The following GRIK2 variants were observed in gnomAD, a reference collection of about 807,000 sequenced individuals.
GRIK2 encodes glutamate receptor ionotropic, kainate 2.
Under a neutral mutation model 100.3 loss-of-function variants are expected in GRIK2, and 32 were observed. The ratio of observed to expected loss-of-function variants is 0.32; its 90% CI spans 0.24 to 0.43. The LOEUF (loss-of-function observed/expected upper bound fraction) is 0.43, where lower values mean the gene tolerates loss of function less well. Ranked by LOEUF, GRIK2 falls within the 20% of genes least tolerant of loss-of-function variation. GRIK2 has a pLI of 1.00. For synonymous variants in GRIK2, 417 were observed against 389.4 expected, an observed-to-expected ratio of 1.07 and a Z score of -0.83; for missense variants, 843 against 1,114.9, an observed-to-expected ratio of 0.76 and a Z score of 3.47.
In GRIK2 at chr6:101,795,673, A is replaced by G. The variant is rs564796335; in HGVS notation, c.952-3975A>G. 5.3e-5 allele frequency among the ~76,000 whole-genome samples: 8 copies of G among 152,348 alleles called. No individual in the cohort carries two copies. In the South Asian group the frequency reaches 1.0e-3, roughly 20 times the overall value. ...CATACTGGTGTTTGCAGTGCCTGCA[A>G]CAGGCTGGATGGACCAGCCCTCAGG... On this transcript the variant is annotated intron_variant, in intron 7 of 16. Coordinates refer to ENST00000369134, the MANE Select transcript of GRIK2 (RefSeq NM_021956.5).
chr6:101,581,189 C>T (rs993263859), intron 2 of GRIK2, among the ~76,000 whole-genome samples: 2 of 150,684 alleles, frequency 1.3e-5, no homozygotes, highest in African/African-American at 2.5e-5. Flanking sequence ...TATACACACA[C>T]ACACATATAT....
intron 14 of GRIK2, among the ~76,000 whole-genome samples, chr6:101,973,291 G>A (rs920126156): frequency 2.6e-5 from 4 of 151,828 alleles, no homozygotes; most frequent in Admixed American, 6.6e-5. Context: ...AGCACTTGAA[G>A]TAATGTTTCT....
intron 2 of GRIK2, among the ~76,000 whole-genome samples, chr6:101,402,427 C>T (rs899923000): frequency 6.6e-5 from 10 of 152,192 alleles, no homozygotes; most frequent in African/African-American, 2.4e-4. Flanking sequence ...CCTCAGCCGA[C>T]TCCCACTTGG....
At position 101,693,644 on chromosome 6, in the gene GRIK2, C is replaced by G. The variant is rs569613648; in HGVS notation, c.951+7291C>G. On this transcript the variant is annotated intron_variant, in intron 7 of 16. Coordinates refer to ENST00000369134, the MANE Select transcript of GRIK2 (RefSeq NM_021956.5). ...AGAAAGATATCTTTTTAGAAAAGTG[C>G]CAATACAAAGGAAAAGTGATTTAGG... 2.0e-5 allele frequency among the ~76,000 whole-genome samples: 3 copies of G among 151,682 alleles called. No homozygotes were observed. In the East Asian group the frequency reaches 5.8e-4, roughly 29 times the overall value.
At chr6:101,921,096 C>A (rs188287329) in intron 12 of GRIK2, among the ~76,000 whole-genome samples, 1 of 151,894 alleles carries the variant, frequency 6.6e-6, no homozygotes. Context: ...AGAAGTTTAC[C>A]GACATAATTT....
chr6:102,010,905 G>T (rs1023834159), intron 14 of GRIK2, among the ~76,000 whole-genome samples: 5 of 151,868 alleles, frequency 3.3e-5, no homozygotes, highest in Non-Finnish European at 5.9e-5. Flanking sequence ...CATTGAGTTG[G>T]TGTACCTCAG....
chr6:101,598,592 T>TA (rs75603851), intron 2 of GRIK2, among the ~76,000 whole-genome samples: 2,619 of 82,326 alleles, frequency 0.032, 35 homozygotes, highest in African/African-American at 0.07. Context: ...TCTTCCTTAA[T>TA]AAAAAAAAAA....
chr6:101,628,728 T>C (rs1780572456), intron 4 of GRIK2, among the ~76,000 whole-genome samples: 1 of 152,130 alleles, frequency 6.6e-6, no homozygotes, highest in African/African-American at 2.4e-5. Context: ...GTAATTCATG[T>C]ATAGGTTGTC....
At chr6:101,840,645 G>T (rs1466895709) in intron 10 of GRIK2, among the ~76,000 whole-genome samples, 1 of 151,954 alleles carries the variant, frequency 6.6e-6, no homozygotes, top group Non-Finnish European at 1.5e-5. Context: ...TATTTTATTA[G>T]GCATATTTCT....
chr6:101,818,468 T>A lies in GRIK2; in HGVS notation c.1302T>A (p.Ile434=), dbSNP rs1426882297. 6.3e-7 allele frequency: 1 copy of A among 1,584,876 alleles called. No homozygotes were observed. Among genetic ancestry groups the A allele is most frequent in the Non-Finnish European group, 8.7e-7 (1 of 1,153,370 alleles). The stretch of plus-strand genomic sequence containing the variant: ...ATTCCTTATCCAATCGTTCTTTGAT[T>A]GTTACCACCATTTTGGTAAGTATTT... ...ITDSLSNRSL[I]VTTILEEPYV... Residue 434 remains isoleucine (I), a synonymous_variant, in exon 10 of 17, where the codon ATT becomes ATA. Coordinates refer to ENST00000369134, the MANE Select transcript of GRIK2 (RefSeq NM_021956.5).
chr6:101,896,416 G>A (rs147767616), intron 12 of GRIK2, among the ~76,000 whole-genome samples: 2 of 151,638 alleles, frequency 1.3e-5, no homozygotes, highest in Non-Finnish European at 3.0e-5. Flanking sequence ...TAAGACAAAG[G>A]CAATTTAAAA....
intron 2 of GRIK2, among the ~76,000 whole-genome samples, chr6:101,586,912 A>AAAG (rs1562244073): frequency 6.7e-6 from 1 of 149,248 alleles, no homozygotes; most frequent in Non-Finnish European, 1.5e-5. Context: ...AAAAAAAAAA[A>AAAG]AGAGAGATAT....
chr6:101,802,234 C>A, intron 8 of GRIK2, 97 bp from the exon 9 acceptor site: 1 of 440,324 alleles, frequency 2.3e-6, no homozygotes, highest in Non-Finnish European at 4.1e-6. Flanking sequence ...GCAATGTAAA[C>A]TGAAAAGTAA....
intron 2 of GRIK2, among the ~76,000 whole-genome samples, chr6:101,589,776 G>T: frequency 6.6e-6 from 1 of 151,986 alleles, no homozygotes; most frequent in East Asian, 1.9e-4. Flanking sequence ...TAATGATTGG[G>T]ACATCAAAAT....
rs150872187 is a variant in GRIK2 at position 101,469,875 on chromosome 6, C to T, written c.115+70483C>T. Reference sequence around the variant, plus strand: ...CTAAATAGTCCTCTTTCTTTCTCTTCAAGACTTGGGTCCTCTCTGTTGTGG... The same window carrying T: ...CTAAATAGTCCTCTTTCTTTCTCTTTAAGACTTGGGTCCTCTCTGTTGTGG... On this transcript the variant is annotated intron_variant, in intron 2 of 16. Transcript: ENST00000369134. Among the ~76,000 whole-genome samples, 190 of 152,282 alleles carry T rather than the reference C, an allele frequency of 1.2e-3. 2 individuals carry two copies. Among genetic ancestry groups the T allele is most frequent in the African/African-American group, 4.5e-3 (185 of 41,556 alleles).
chr6:101,440,892 T>C (rs1043971446), intron 2 of GRIK2, among the ~76,000 whole-genome samples: 1 of 65,668 alleles, frequency 1.5e-5, no homozygotes, highest in South Asian at 4.2e-4. Context: ...GCTTTTTTGT[T>C]TTTTTTTTTT....
At chr6:101,692,292 A>C (rs1175739581) in intron 7 of GRIK2, among the ~76,000 whole-genome samples, 1 of 152,122 alleles carries the variant, frequency 6.6e-6, no homozygotes, top group Non-Finnish European at 1.5e-5. Flanking sequence ...CATTTTGAAA[A>C]AGTTGGCTTC....
intron 14 of GRIK2, among the ~76,000 whole-genome samples, chr6:101,964,441 AC>A (rs1792528768): frequency 6.6e-6 from 1 of 152,036 alleles, no homozygotes; most frequent in African/African-American, 2.4e-5. Flanking sequence ...CCTGTTAGCA[AC>A]CCTGTCCTAT....
chr6:102,019,332 C>T (rs1368961675), intron 14 of GRIK2, among the ~76,000 whole-genome samples: 1 of 152,012 alleles, frequency 6.6e-6, no homozygotes, highest in African/African-American at 2.4e-5. Flanking sequence ...AACAGAAATG[C>T]TCTGGTGAAG....
Sources: allele counts gnomAD v4.1 joint callset (sites outside exome capture counted in the v4.1 genomes callset), GRCh38; gene constraint gnomAD v4.1.1; transcripts MANE v1.5; gene names NCBI Gene and HGNC (gene_info 2026-07-23, HGNC 2026-07-21).